Variants in RAB37 observed in about 807,000 individuals in gnomAD.
The protein encoded by RAB37 is RAB37, member RAS oncogene family, also known as ras-related protein Rab-37.
Under a neutral mutation model 33.1 loss-of-function variants are expected in RAB37, and 29 were observed. The ratio of observed to expected loss-of-function variants is 0.88; its 90% confidence interval spans 0.65 to 1.20. RAB37 has a LOEUF of 1.20. Among genes scored for constraint, RAB37 ranks in the 50% most tolerant of loss-of-function variants. The pLI, the probability that RAB37 is intolerant of heterozygous loss-of-function variation, is 0.00. For missense variants in RAB37, 299 were observed against 301.1 expected, an observed-to-expected ratio of 0.99 and a Z score of 0.05; for synonymous variants, 128 against 119.5, an observed-to-expected ratio of 1.07 and a Z score of -0.47.
chr17:74,735,196 A>G (rs987242207), upstream of RAB37, among the ~76,000 whole-genome samples: 13 of 133,196 alleles, frequency 9.8e-5, no homozygotes, highest in African/African-American at 2.7e-4. Context: ...GGAAGGAAGG[A>G]AGGGAGGGAG....
chr17:74,714,431 A>ACACACACACACACG (rs888843670), intron 1 of RAB37, among the ~76,000 whole-genome samples: 6 of 150,728 alleles, frequency 4.0e-5, no homozygotes, highest in African/African-American at 1.5e-4. Context: ...ACACACACAC[A>ACACACACACACACG]CACGCACGCA....
At chr17:74,721,194 T>C (rs1437287932) in intron 1 of RAB37, among the ~76,000 whole-genome samples, 1 of 152,224 alleles carries the variant, frequency 6.6e-6, no homozygotes, top group Non-Finnish European at 1.5e-5. Context: ...TGTTCTCATT[T>C]AGGGCCGCAG....
At chr17:74,682,865 T>C (rs577702898) in intron 1 of RAB37, among the ~76,000 whole-genome samples, 30 of 152,120 alleles carry the variant, frequency 2.0e-4, no homozygotes, top group African/African-American at 6.7e-4. Context: ...GATTGCACCA[T>C]TGCACTCCAG....
At chr17:74,705,792 G>A (rs1022191211) in intron 1 of RAB37, among the ~76,000 whole-genome samples, 1 of 151,996 alleles carries the variant, frequency 6.6e-6, no homozygotes, top group Non-Finnish European at 1.5e-5. Context: ...ACAGGATTTT[G>A]CCATGTTGTC....
rs759322020 is a variant in RAB37, at chr17:74,742,324, G to C, written c.246+29G>C. ...AGACCAGAGGCTGGAGTTGGGGAGG[G>C]AGGATGGAGGACCTGCCCTTCCTTC... On this transcript the variant is annotated intron_variant, in intron 3 of 8. Transcript: ENST00000392613. The surrounding 1 kb of genome is among the most constrained non-coding windows in gnomAD (Gnocchi z 4.0). The C allele has an allele frequency of 6.4e-7, 1 of 1,563,122 alleles. No individual in the cohort carries two copies. Among genetic ancestry groups the C allele is most frequent in the African/African-American group, 1.4e-5 (1 of 73,714 alleles).
Position 74,729,410 on chromosome 17 carries a change from A to T in RAB37, c.183+44A>T, listed in dbSNP as rs751609858. 2 of 1,370,682 alleles carry T rather than the reference A, an allele frequency of 1.5e-6. No homozygotes were observed. Among genetic ancestry groups the T allele is most frequent in the Non-Finnish European group, 2.1e-6 (2 of 957,822 alleles). The allele number at this position is 1,370,682 out of a possible 1,614,324, so 84.9% of individuals were successfully genotyped here. A position where few individuals can be genotyped will look rare whatever the true frequency, so the allele number is the denominator to read the frequency against. ...TGCCAGCTCTGGGCCTGGGCTCAGG[A>T]CCCCAGCGTGTTTCTGTTGAGTGCC... On this transcript the variant is annotated intron_variant, in intron 2 of 7. Coordinates refer to the RAB37 transcript ENST00000340415. The surrounding 1 kb of genome is among the most constrained non-coding windows in gnomAD (Gnocchi z 4.2).
intron 1 of RAB37, among the ~76,000 whole-genome samples, chr17:74,682,138 T>C (rs1055246214): frequency 2.0e-5 from 3 of 152,228 alleles, no homozygotes; most frequent in African/African-American, 7.2e-5. Flanking sequence ...GAACAGGCAT[T>C]ATTCTTGACT....
chr17:74,720,398 A>C (rs1053892042), intron 1 of RAB37, among the ~76,000 whole-genome samples: 79 of 152,126 alleles, frequency 5.2e-4, no homozygotes, highest in African/African-American at 1.9e-3. Flanking sequence ...CAACGTGGCC[A>C]ACATGGCGAA....
At chr17:74,678,213 C>G (rs867299010) in intron 1 of RAB37, among the ~76,000 whole-genome samples, 1 of 152,158 alleles carries the variant, frequency 6.6e-6, no homozygotes, top group South Asian at 2.1e-4. Flanking sequence ...ATGTAGTTCC[C>G]AGCTGGGAGT....
At chr17:74,700,147 A>G (rs1017967908) in intron 1 of RAB37, among the ~76,000 whole-genome samples, 10 of 146,510 alleles carry the variant, frequency 6.8e-5, no homozygotes, top group Non-Finnish European at 1.1e-4. Flanking sequence ...GTCTCAATAA[A>G]TAAATAAATA....
chr17:74,712,777 T>C, intron 1 of RAB37: 1 of 1,610,208 alleles, frequency 6.2e-7, no homozygotes, highest in South Asian at 1.1e-5. Flanking sequence ...AGCCACCTCC[T>C]CCTGCTTGCT....
chr17:74,738,972 G>A lies in RAB37; in HGVS notation c.93+1607G>A, dbSNP rs1407298256. 2.0e-5 allele frequency among the ~76,000 whole-genome samples: 3 copies of A among 152,142 alleles called. No homozygotes were observed. The highest frequency in any genetic ancestry group is 4.8e-5 in the African/African-American group (2 of 41,404). ...TATCCCTCCTCCTTCTACCCACTAT[G>A]GAAACCATGCCACAGAAAGGTTAAG... On this transcript the variant is annotated intron_variant, in intron 1 of 8. Transcript: ENST00000392613. The surrounding 1 kb of genome is among the most constrained non-coding windows in gnomAD (Gnocchi z 5.0).
chr17:74,725,475 C>T (rs1000738598), intron 1 of RAB37, among the ~76,000 whole-genome samples: 1 of 152,140 alleles, frequency 6.6e-6, no homozygotes, highest in Non-Finnish European at 1.5e-5. Context: ...GCCATGTGGA[C>T]ACCTCGCTTC....
intron 1 of RAB37, among the ~76,000 whole-genome samples, chr17:74,709,372 AAG>A (rs2033780831): frequency 6.6e-6 from 1 of 152,214 alleles, no homozygotes. Context: ...TTAGCAAACT[AAG>A]AGAACTGCCT....
intron 1 of RAB37, chr17:74,712,883 T>C (rs1326901869): frequency 1.2e-5 from 20 of 1,613,532 alleles, no homozygotes; most frequent in Admixed American, 1.7e-5. Context: ...TTCAGACAGG[T>C]CCCCGTTCCC....
Position 74,700,619 on chromosome 17 carries a change from G to A in RAB37, c.73-28637G>A, listed in dbSNP as rs116439537. 5.6e-3 allele frequency among the ~76,000 whole-genome samples: 849 copies of A among 152,186 alleles called. 8 individuals carry two copies. The highest frequency in any genetic ancestry group is 0.018 in the African/African-American group (767 of 41,502). On this transcript the variant is annotated intron_variant, in intron 1 of 7. Coordinates refer to the RAB37 transcript ENST00000340415. ...CAGCCGGGTGTGGTGGTGCATTCCT[G>A]TAATCCTGGCTACTCCCAGCTGCTT...
intron 1 of RAB37, among the ~76,000 whole-genome samples, chr17:74,693,667 A>T (rs1312247387): frequency 6.6e-6 from 1 of 152,050 alleles, no homozygotes; most frequent in Non-Finnish European, 1.5e-5. Context: ...GGTGGCTCAC[A>T]CCTATAATCC....
At position 74,674,470 on chromosome 17, in the gene RAB37, G is replaced by C. The variant is rs148324394; in HGVS notation, c.72+2812G>C. On this transcript the variant is annotated intron_variant, in intron 1 of 7. Coordinates refer to the RAB37 transcript ENST00000340415. ...AGGCGGGCAGATCTCTTGAGGTCAG[G>C]AGTTCAAGACCAGCCTGGCCAACAT... Among the ~76,000 whole-genome samples, 47 of 149,078 alleles carry C rather than the reference G, an allele frequency of 3.2e-4. No homozygotes were observed. The East Asian group carries it at 9.2e-3, about 29-fold the overall frequency.
chr17:74,677,972 G>C (rs960610194), intron 1 of RAB37, among the ~76,000 whole-genome samples: 2 of 152,140 alleles, frequency 1.3e-5, no homozygotes, highest in African/African-American at 4.8e-5. Flanking sequence ...GCTGTTCTAG[G>C]GAGGGACGTC....
Sources: allele counts gnomAD v4.1 joint callset (sites outside exome capture counted in the v4.1 genomes callset), GRCh38; gene constraint gnomAD v4.1.1; non-coding constraint Gnocchi (gnomAD v3.1); transcripts MANE v1.5; gene names NCBI Gene and HGNC (gene_info 2026-07-23, HGNC 2026-07-21).